The following VAV1 variants were observed in gnomAD, a reference collection of about 807,000 sequenced individuals.
VAV1 encodes proto-oncogene vav.
A neutral mutation model predicts 128.1 loss-of-function variants in VAV1; 33 were observed. The observed-to-expected ratio is 0.26, with a 90% CI of 0.20 to 0.34. The LOEUF (loss-of-function observed/expected upper bound fraction) is 0.34, where lower values mean the gene tolerates loss of function less well. Ranked by LOEUF, VAV1 falls within the 10% of genes least tolerant of loss-of-function variation. The probability of loss-of-function intolerance (pLI) is 1.00; values close to 1 mark genes in which losing one functional copy is unlikely to be tolerated. For synonymous variants in VAV1, 394 were observed against 409.8 expected (o/e 0.96, Z 0.47); for missense variants, 715 against 1,093.7 (o/e 0.65, Z 4.88).
chr19:6,856,530 C>T (rs765156681), intron 26 of VAV1, among the ~76,000 whole-genome samples: 13 of 151,140 alleles, frequency 8.6e-5, no homozygotes, highest in African/African-American at 1.5e-4. Context: ...GAAACCAGCC[C>T]GGCCAACATG....
Position 6,828,741 on chromosome 19 carries a change from T to C in VAV1, c.1179+33T>C. On this transcript the variant is annotated intron_variant, in intron 12 of 26. Transcript: ENST00000602142. The surrounding 1 kb of genome is among the most constrained non-coding windows in gnomAD (Gnocchi z 4.5). Reference sequence around the variant, plus strand: ...GGTGGAGCCGGGTGGGCCAGGGGTGTGGCCACGTGGGGAGAGTGTGTGTCT... The same window carrying C: ...GGTGGAGCCGGGTGGGCCAGGGGTGCGGCCACGTGGGGAGAGTGTGTGTCT... The C allele has an allele frequency of 6.2e-7, 1 of 1,613,936 alleles. No homozygotes were observed.
rs142916472 is a variant in VAV1 at position 6,801,266 on chromosome 19, G to A, written c.205-19436G>A. Among the ~76,000 whole-genome samples, 1,284 of 152,164 alleles carry A rather than the reference G, an allele frequency of 8.4e-3. 20 individuals are homozygous for A. Among genetic ancestry groups the A allele is most frequent in the African/African-American group, 0.029 (1,216 of 41,506 alleles). Reference sequence around the variant, plus strand: ...ACACCAGGCTCTACCGCAAACATTGGGTCAAGTATTTTCATTCCCGACGTA... The same window carrying A: ...ACACCAGGCTCTACCGCAAACATTGAGTCAAGTATTTTCATTCCCGACGTA... On this transcript the variant is annotated intron_variant, in intron 1 of 26. Transcript: ENST00000602142.
intron 9 of VAV1, among the ~76,000 whole-genome samples, chr19:6,827,482 C>A (rs1971945783): frequency 6.6e-6 from 1 of 152,046 alleles, no homozygotes; most frequent in African/African-American, 2.4e-5. Context: ...ACCATGTTAT[C>A]CAGGGTGGTC....
intron 1 of VAV1, among the ~76,000 whole-genome samples, chr19:6,804,196 G>A (rs935378297): frequency 6.6e-6 from 1 of 151,306 alleles, no homozygotes; most frequent in Non-Finnish European, 1.5e-5. Flanking sequence ...TGTGACGCAC[G>A]GCAGGCAAGC....
At chr19:6,819,193 A>G (rs1304645486) in intron 1 of VAV1, among the ~76,000 whole-genome samples, 1 of 152,158 alleles carries the variant, frequency 6.6e-6, no homozygotes, top group Non-Finnish European at 1.5e-5. Flanking sequence ...CACAGAATGG[A>G]ACCTGTGTTT....
Position 6,822,394 on chromosome 19 carries a change from CACCGG to C in VAV1, c.559-24_559-20del, listed in dbSNP as rs1971814587. ...CGGGGGGCAGCCCCAGGCCCCCCAA[CACCGG>C]CCTCTCCCCTCGCTCTCAGCCCAAG... On this transcript the variant is annotated intron_variant, in intron 5 of 26. Transcript: ENST00000602142. This position sits in a 1 kb window ranked among gnomAD's most constrained non-coding sequence, Gnocchi z 5.9. The C allele has an allele frequency of 7.1e-6, 11 of 1,553,924 alleles. No individual in the cohort carries two copies. The highest frequency in any genetic ancestry group is 9.6e-6 in the Non-Finnish European group (11 of 1,150,060).
At position 6,820,206 on chromosome 19, in the gene VAV1, C is replaced by T. The variant is rs779219530; in HGVS notation, c.205-496C>T. Among the ~76,000 whole-genome samples, 1 of 152,106 alleles carries T rather than the reference C, an allele frequency of 6.6e-6. No individual in the cohort carries two copies. The highest frequency in any genetic ancestry group is 1.5e-5 in the Non-Finnish European group (1 of 68,016). The stretch of plus-strand genomic sequence containing the variant: ...TTGCGACACATGACTGAAGTCCTAG[C>T]TACCTGGGAGGTGGAGGCAGGAGGC... On this transcript the variant is annotated intron_variant, in intron 1 of 26. Coordinates refer to ENST00000602142, the MANE Select transcript of VAV1 (RefSeq NM_005428.4). The surrounding 1 kb of genome is among the most constrained non-coding windows in gnomAD (Gnocchi z 4.4).
intron 1 of VAV1, among the ~76,000 whole-genome samples, chr19:6,812,505 C>A (rs1326935658): frequency 6.6e-6 from 1 of 151,984 alleles, no homozygotes; most frequent in Admixed American, 6.6e-5. Context: ...AAAGAAAATA[C>A]AAAAATTAGC....
At chr19:6,816,286 C>A in intron 1 of VAV1, 1 of 152,184 alleles carries the variant, frequency 6.6e-6, no homozygotes. Flanking sequence ...TCCCAAAATG[C>A]TGGGATTACA....
intron 1 of VAV1, among the ~76,000 whole-genome samples, chr19:6,797,259 T>C (rs1599631784): frequency 6.7e-6 from 1 of 149,322 alleles, no homozygotes; most frequent in Middle Eastern, 3.5e-3. Context: ...AATTGCATAG[T>C]GAATGAAGGA....
chr19:6,813,063 C>T (rs750161086), intron 1 of VAV1, among the ~76,000 whole-genome samples: 1 of 152,256 alleles, frequency 6.6e-6, no homozygotes, highest in Non-Finnish European at 1.5e-5. Flanking sequence ...ACAAATTATC[C>T]CCAAACTTAA....
chr19:6,808,762 CCA>C (rs1971451847), intron 1 of VAV1, among the ~76,000 whole-genome samples: 1 of 152,116 alleles, frequency 6.6e-6, no homozygotes, highest in African/African-American at 2.4e-5. Context: ...ATTTGTTATT[CCA>C]ATTAATTTAG....
intron 25 of VAV1, 72 bp downstream of exon 25, chr19:6,853,151 A>T: frequency 7.2e-7 from 1 of 1,395,650 alleles, no homozygotes; most frequent in Non-Finnish European, 1.0e-6. Flanking sequence ...TGGGGATGCC[A>T]TTGACACCCC....
Position 6,822,784 on chromosome 19 carries a change from T to C in VAV1, c.654+270T>C. On this transcript the variant is annotated intron_variant, in intron 6 of 26. Transcript: ENST00000602142. The surrounding 1 kb of genome is among the most constrained non-coding windows in gnomAD (Gnocchi z 5.9). ...AAAAACCAAAAACAAACAAAATAAA[T>C]ACAAAATCAAAAATATATAAATATA... Among the ~76,000 whole-genome samples the C allele has an allele frequency of 1.4e-5, 2 of 146,356 alleles. No homozygotes were observed. The highest frequency in any genetic ancestry group is 4.0e-4 in the East Asian group (2 of 5,052).
chr19:6,780,048 T>A (rs1006802043), intron 1 of VAV1, among the ~76,000 whole-genome samples: 1 of 147,624 alleles, frequency 6.8e-6, no homozygotes, highest in Admixed American at 6.7e-5. Flanking sequence ...GAGGCGGAGC[T>A]TGCAGTGAGC....
Position 6,833,165 on chromosome 19 carries a change from T to TTTAA in VAV1, c.1509-16_1509-13dup. 1 of 1,580,510 alleles carries TTTAA rather than the reference T, an allele frequency of 6.3e-7. No individual in the cohort carries two copies. Among genetic ancestry groups the TTTAA allele is most frequent in the Non-Finnish European group, 8.6e-7 (1 of 1,168,322 alleles). On this transcript the variant is annotated intron_variant, in intron 15 of 26. Coordinates refer to ENST00000602142, the MANE Select transcript of VAV1 (RefSeq NM_005428.4). The stretch of plus-strand genomic sequence containing the variant: ...ATACTGACCTTCTTTTTTTTTTTTT[T>TTTAA]TTAATTTTCCCCTGCCAGCTCCAAC...
intron 16 of VAV1, 72 bp from the exon 17 acceptor site, chr19:6,833,456 T>G (rs1182432914): frequency 6.8e-7 from 1 of 1,477,060 alleles, no homozygotes; most frequent in Non-Finnish European, 9.1e-7. Flanking sequence ...GGTCCCTTTA[T>G]GTTTTTAGCA....
chr19:6,793,664 T>G (rs1971067153), intron 1 of VAV1, among the ~76,000 whole-genome samples: 1 of 152,128 alleles, frequency 6.6e-6, no homozygotes, highest in Admixed American at 6.6e-5. Context: ...ACATCAAGTT[T>G]GCTTTGATAT....
chr19:6,791,866 G>A (rs533732426), intron 1 of VAV1, among the ~76,000 whole-genome samples: 2 of 152,160 alleles, frequency 1.3e-5, no homozygotes, highest in Non-Finnish European at 2.9e-5. Flanking sequence ...AGAGGGCAAA[G>A]ACTGTGCAAA....
Sources: allele counts gnomAD v4.1 joint callset (sites outside exome capture counted in the v4.1 genomes callset), GRCh38; gene constraint gnomAD v4.1.1; non-coding constraint Gnocchi (gnomAD v3.1); transcripts MANE v1.5; gene names NCBI Gene and HGNC (gene_info 2026-07-23, HGNC 2026-07-21).